Variants in PWWP3A observed in about 807,000 individuals in gnomAD.
PWWP3A encodes the protein PWWP domain-containing DNA repair factor 3A.
A neutral mutation model predicts 79.0 loss-of-function variants in PWWP3A; 53 were observed. The observed-to-expected ratio is 0.67, with a 90% CI of 0.54 to 0.84. The LOEUF (loss-of-function observed/expected upper bound fraction) is 0.84, where lower values mean the gene tolerates loss of function less well. Ranked by LOEUF, PWWP3A falls within the 40% of genes least tolerant of loss-of-function variation. The pLI is 0.00. For missense variants in PWWP3A, 973 were observed against 948.0 expected (o/e 1.03, Z -0.35); for synonymous variants, 443 against 394.4 (o/e 1.12, Z -1.46).
Position 1,367,041 on chromosome 19 carries a change from A to G in PWWP3A, c.1362-119A>G. On this transcript the variant is annotated intron_variant, in intron 8 of 13. Coordinates refer to ENST00000591337, the MANE Select transcript of PWWP3A (RefSeq NM_001369789.1). ...GGGGAAACGGTCACCTTCCATAAAT[A>G]AGCTGGGGCTGGTGGGGCCTCCAGC... 2.8e-5 allele frequency: 20 copies of G among 723,638 alleles called. No individual in the cohort carries two copies. In the Middle Eastern group the frequency reaches 1.2e-3, roughly 42 times the overall value. The allele number at this position is 723,638 out of a possible 1,614,324, so 44.8% of individuals were successfully genotyped here.
In PWWP3A at chr19:1,370,854, C is replaced by T. The variant is rs770359784; in HGVS notation, c.1762C>T (p.His588Tyr). The stretch of plus-strand genomic sequence containing the variant: ...TGTGAAGGCCAAGGGCGCGGAGAGC[C>T]ACCTGCGGGCCATCCTAAAGAGCAG... ...YIVKAKGAESHLRAILKSRKP... is the reference protein window; with the variant it reads ...YIVKAKGAESYLRAILKSRKP... Residue 588 changes from histidine (H) to tyrosine (Y), a missense_variant, in exon 12 of 14, where the codon CAC becomes TAC. His to Tyr is a moderately conservative substitution (Grantham distance 83, BLOSUM62 2). Coordinates refer to ENST00000591337, the MANE Select transcript of PWWP3A (RefSeq NM_001369789.1). 1 of 1,564,512 alleles carries T rather than the reference C, an allele frequency of 6.4e-7. No homozygotes were observed. The highest frequency in any genetic ancestry group is 8.7e-7 in the Non-Finnish European group (1 of 1,154,358).
chr19:1,371,434 A>G (rs1450506853), intron 12 of PWWP3A: 1 of 701,958 alleles, frequency 1.4e-6, no homozygotes, highest in Non-Finnish European at 2.6e-6. Flanking sequence ...TTCCCAAGTC[A>G]GAATCGCATT....
At chr19:1,359,418 T>C (rs985250353) in intron 4 of PWWP3A, 8 of 150,792 alleles carry the variant, frequency 5.3e-5, no homozygotes, top group African/African-American at 1.7e-4. Context: ...CAGATTGTGT[T>C]GGGGGGCTGG....
intron 8 of PWWP3A, 35 bp downstream of exon 8, chr19:1,366,416 T>C (rs763050372): frequency 6.3e-7 from 1 of 1,595,930 alleles, no homozygotes; most frequent in Non-Finnish European, 8.6e-7. Flanking sequence ...TGAATGGGCC[T>C]GAGGGGCCAG....
intron 4 of PWWP3A, chr19:1,359,764 T>G: frequency 2.4e-5 from 4 of 164,982 alleles, no homozygotes; most frequent in Non-Finnish European, 5.2e-5. Context: ...TTAGTTGGCA[T>G]TGGTTTTTAT....
intron 3 of PWWP3A, chr19:1,357,399 CTTTT>C (rs66856576): frequency 6.2e-5 from 8 of 128,024 alleles, no homozygotes; most frequent in South Asian, 2.5e-4. Context: ...GGGATATTTC[CTTTT>C]TTTTTTTTTT....
Position 1,368,851 on chromosome 19 carries a change from CCCCGGTG to C in PWWP3A, c.1423-410_1423-404del, listed in dbSNP as rs1407619903. 3.4e-3 allele frequency among the ~76,000 whole-genome samples: 498 copies of C among 146,014 alleles called. 4 individuals are homozygous for C. Among genetic ancestry groups the C allele is most frequent in the African/African-American group, 0.012 (463 of 37,828 alleles). The stretch of plus-strand genomic sequence containing the variant: ...TTCAGACCAGCCCAAGCCTTCGGGT[CCCCGGTG>C]CCCACCTGCGTTCAGACCAGCCCAA... On this transcript the variant is annotated intron_variant, in intron 9 of 13. Coordinates refer to ENST00000591337, the MANE Select transcript of PWWP3A (RefSeq NM_001369789.1). This position sits in a 1 kb window ranked among gnomAD's most constrained non-coding sequence, Gnocchi z 4.7.
rs1430415432 is a variant in PWWP3A at position 1,360,444 on chromosome 19, G to GT, written c.523_524insT (p.Asp175ValfsTer10). 3 of 1,614,144 alleles carry GT rather than the reference G, an allele frequency of 1.9e-6. No homozygotes were observed. The highest frequency in any genetic ancestry group is 2.5e-6 in the Non-Finnish European group (3 of 1,180,050). On this transcript the variant is annotated frameshift_variant, in exon 5 of 14. Transcript: ENST00000591337. LOFTEE classifies it high-confidence loss of function. The surrounding 1 kb of genome is among the most constrained non-coding windows in gnomAD (Gnocchi z 4.4). Reference sequence around the variant, plus strand: ...TGAAAAGGACCCCGAGTGCAAAGTGGACCACAAGAAGGGGCTCAGGAAAAG... The same window carrying GT: ...TGAAAAGGACCCCGAGTGCAAAGTGGTACCACAAGAAGGGGCTCAGGAAAAG...
In PWWP3A at chr19:1,371,005, A is replaced by T. The variant is rs1210421004; in HGVS notation, c.1913A>T (p.Glu638Val). The T allele has an allele frequency of 3.8e-6, 6 of 1,571,820 alleles. No homozygotes were observed. The Admixed American group carries it at 9.3e-5, about 24-fold the overall frequency. Residue 638 changes from glutamate to valine, a missense_variant, in exon 12 of 14, where the codon GAG becomes GTG. Glu to Val is a moderately radical substitution (Grantham distance 121). Coordinates refer to ENST00000591337, the MANE Select transcript of PWWP3A (RefSeq NM_001369789.1). ...AAGTACCTGCAGGGCGTCTACCAGG[A>T]GGTGGGGGCCAAGGTGCTCCAGCGC... is the stretch of plus-strand genomic sequence containing the variant. ...VVKYLQGVYQ[E>V]VGAKVLQRTN...
Position 1,376,829 on chromosome 19 carries a change from G to A in PWWP3A, c.*253G>A. On this transcript the variant is annotated 3_prime_UTR_variant, in exon 14 of 14. Transcript: ENST00000591337. ...TTTTACAAGATACCGTTCGGGAAAG[G>A]CTTTTGAAAGGACGGAAGCGTATTC... The A allele has an allele frequency of 2.4e-6, 1 of 424,452 alleles. No homozygotes were observed. The highest frequency in any genetic ancestry group is 4.2e-6 in the Non-Finnish European group (1 of 236,286). 26.3% of individuals were successfully genotyped at this position (424,452 alleles called of 1,614,324 possible).
At chr19:1,361,154 G>A in intron 5 of PWWP3A, 122 bp downstream of exon 5, 1 of 977,120 alleles carries the variant, frequency 1.0e-6, no homozygotes, top group Non-Finnish European at 1.4e-6. Context: ...TGCCAAAATA[G>A]ACTTAGAGCA....
intron 2 of PWWP3A, 126 bp downstream of exon 2, chr19:1,356,575 G>T: frequency 1.2e-6 from 1 of 843,816 alleles, no homozygotes; most frequent in Admixed American, 2.4e-5. Context: ...GGTTGGCACT[G>T]ATTCTCGTTC....
At chr19:1,364,322 A>G in intron 6 of PWWP3A, 187 bp from the exon 7 acceptor site, 1 of 689,706 alleles carries the variant, frequency 1.4e-6, no homozygotes, top group Admixed American at 2.0e-5. Context: ...TGGTGGTTAG[A>G]CTCAAGTAGT....
In PWWP3A at chr19:1,376,697, C is replaced by G; in HGVS notation, c.*121C>G. On this transcript the variant is annotated 3_prime_UTR_variant, in exon 14 of 14. Transcript: ENST00000591337. ...TTGCGTTTGGACCTGTCTGTGCGTT[C>G]TCCTGCGTGGCAGTCCTGATTTCCA... 2.4e-6 allele frequency: 2 copies of G among 824,536 alleles called. No individual in the cohort carries two copies. Among genetic ancestry groups the G allele is most frequent in the Non-Finnish European group, 3.9e-6 (2 of 509,936 alleles). 51.1% of individuals were successfully genotyped at this position (824,536 alleles called of 1,614,324 possible). A position where few individuals can be genotyped will look rare whatever the true frequency, so the allele number is the denominator to read the frequency against.
intron 7 of PWWP3A, 112 bp from the exon 8 acceptor site, chr19:1,366,193 C>G (rs1600112101): frequency 1.0e-4 from 19 of 183,924 alleles, no homozygotes; most frequent in Non-Finnish European, 1.4e-4. Flanking sequence ...TGGGGTCACC[C>G]CCAGAGCTGG....
chr19:1,375,537 T>A (rs1442277999), intron 13 of PWWP3A, among the ~76,000 whole-genome samples: 3,378 of 96,068 alleles, frequency 0.035, 75 homozygotes, highest in Non-Finnish European at 0.046. Flanking sequence ...ATTTATATAT[T>A]TTATATATAA....
Position 1,368,166 on chromosome 19 carries a change from G to A in PWWP3A, c.1422+946G>A, listed in dbSNP as rs1167036404. Among the ~76,000 whole-genome samples, 1 of 152,060 alleles carries A rather than the reference G, an allele frequency of 6.6e-6. No individual in the cohort carries two copies. The highest frequency in any genetic ancestry group is 6.6e-5 in the Admixed American group (1 of 15,256). On this transcript the variant is annotated intron_variant, in intron 9 of 13. Coordinates refer to ENST00000591337, the MANE Select transcript of PWWP3A (RefSeq NM_001369789.1). The surrounding 1 kb of genome is among the most constrained non-coding windows in gnomAD (Gnocchi z 4.7). ...TCTCGAACTCCTGACCTCATGATCC[G>A]CCTGCCTCAGCCTCTCAAAGTGCTG...
At chr19:1,375,377 A>G (rs1479735803) in intron 13 of PWWP3A, among the ~76,000 whole-genome samples, 1 of 144,516 alleles carries the variant, frequency 6.9e-6, no homozygotes, top group African/African-American at 2.6e-5. Context: ...CTCTGTCCCC[A>G]TCAAACAACT....
At chr19:1,371,565 G>C in intron 12 of PWWP3A, 1 of 608,256 alleles carries the variant, frequency 1.6e-6, no homozygotes. Flanking sequence ...TCGAACTTCA[G>C]CTGCGGATTT....
Sources: allele counts gnomAD v4.1 joint callset (sites outside exome capture counted in the v4.1 genomes callset), GRCh38; gene constraint gnomAD v4.1.1; non-coding constraint Gnocchi (gnomAD v3.1); transcripts MANE v1.5; gene names NCBI Gene and HGNC (gene_info 2026-07-23, HGNC 2026-07-21).